Variants in TCF4 observed in about 807,000 individuals in gnomAD.
TCF4 encodes SL3-3 enhancer factor 2.
A neutral mutation model predicts 82.1 loss-of-function variants in TCF4; 3 were observed. The ratio of observed to expected loss-of-function variants is 0.04; its 90% CI spans 0.02 to 0.09. The LOEUF (loss-of-function observed/expected upper bound fraction) is 0.09, where lower values mean the gene tolerates loss of function less well. TCF4 is among the 10% of genes least tolerant of loss of function. The probability of loss-of-function intolerance (pLI) is 1.00; values close to 1 mark genes in which losing one functional copy is unlikely to be tolerated. For missense variants in TCF4, 518 were observed against 852.7 expected (o/e 0.61, Z 4.89); for synonymous variants, 276 against 309.6 (o/e 0.89, Z 1.14).
intron 9 of TCF4, among the ~76,000 whole-genome samples, chr18:55,278,704 G>A (rs183402665): frequency 2.0e-5 from 3 of 152,278 alleles, no homozygotes; most frequent in East Asian, 3.9e-4. Flanking sequence ...GAGTAGCTGG[G>A]ACTACAGGTG....
chr18:55,559,639 TA>T (rs34935191), intron 3 of TCF4, among the ~76,000 whole-genome samples: 6 of 148,754 alleles, frequency 4.0e-5, no homozygotes, highest in South Asian at 2.1e-4. Context: ...GTTTTTTCTT[TA>T]AAAAAAAAAA....
chr18:55,567,433 T>A (rs1338097394), intron 3 of TCF4, among the ~76,000 whole-genome samples: 2 of 152,282 alleles, frequency 1.3e-5, no homozygotes, highest in African/African-American at 4.8e-5. Flanking sequence ...TCAGGCAGAT[T>A]TCGAATATTA....
At chr18:55,264,962 A>G (rs1386453412) in intron 11 of TCF4, 1 of 152,152 alleles carries the variant, frequency 6.6e-6, no homozygotes, top group Non-Finnish European at 1.5e-5. Flanking sequence ...GATGGCTTGA[A>G]CACAGGTGGT....
intron 3 of TCF4, among the ~76,000 whole-genome samples, chr18:55,515,585 TAGA>T (rs1208462917): frequency 1.3e-5 from 2 of 152,138 alleles, no homozygotes; most frequent in East Asian, 3.8e-4. Flanking sequence ...GTAGGAGGTA[TAGA>T]AGAAGGCTGT....
At chr18:55,423,236 C>T (rs2094841326) in intron 5 of TCF4, among the ~76,000 whole-genome samples, 1 of 151,982 alleles carries the variant, frequency 6.6e-6, no homozygotes, top group African/African-American at 2.4e-5. Context: ...ATGATGTCAG[C>T]GGTTTTAATT....
intron 8 of TCF4, chr18:55,302,704 A>G (rs888171577): frequency 8.0e-7 from 1 of 1,247,332 alleles, no homozygotes; most frequent in Non-Finnish European, 1.1e-6. Flanking sequence ...GGAGGAGGGC[A>G]TGAAGAAGGG....
At chr18:55,373,533 C>T (rs2145645829) in intron 6 of TCF4, among the ~76,000 whole-genome samples, 1 of 152,126 alleles carries the variant, frequency 6.6e-6, no homozygotes, top group East Asian at 1.9e-4. Flanking sequence ...GGAAAATAGG[C>T]CGGGTGCAGT....
At chr18:55,591,697 A>G (rs941709116), upstream of TCF4, among the ~76,000 whole-genome samples, 3 of 152,112 alleles carry the variant, frequency 2.0e-5, no homozygotes, top group African/African-American at 7.2e-5. Flanking sequence ...TTGTATTTTT[A>G]GTAGAGATGG....
At chr18:55,416,870 C>T (rs1185782804) in intron 5 of TCF4, among the ~76,000 whole-genome samples, 2 of 152,180 alleles carry the variant, frequency 1.3e-5, no homozygotes, top group Non-Finnish European at 2.9e-5. Context: ...ATATAGGTCA[C>T]TCTCTTAAGG....
chr18:55,441,197 C>T (rs1452230115), intron 5 of TCF4, among the ~76,000 whole-genome samples: 1 of 152,170 alleles, frequency 6.6e-6, no homozygotes, highest in African/African-American at 2.4e-5. Flanking sequence ...ATCAAGCTTC[C>T]TTGCTCTTTC....
At chr18:55,394,851 A>C (rs923731693) in intron 6 of TCF4, among the ~76,000 whole-genome samples, 1 of 152,230 alleles carries the variant, frequency 6.6e-6, no homozygotes, top group Admixed American at 6.5e-5. Flanking sequence ...ATATCCACAG[A>C]GCGCACACAA....
Position 55,601,244 on chromosome 18 carries a change from A to G in TCF4, c.287-14108T>C, listed in dbSNP as rs760730232. Among the ~76,000 whole-genome samples, 6 of 152,172 alleles carry G rather than the reference A, an allele frequency of 3.9e-5. No individual in the cohort carries two copies. In the East Asian group the frequency reaches 9.6e-4, roughly 24 times the overall value. Reference sequence around the variant, plus strand: ...ATTTGAGGGACAATTGAGTAGATAAATCATATAATCTACAGTGGAGTATTG... The same window carrying G: ...ATTTGAGGGACAATTGAGTAGATAAGTCATATAATCTACAGTGGAGTATTG... On this transcript the variant is annotated intron_variant, in intron 2 of 20. Coordinates refer to the TCF4 transcript ENST00000398339.
At chr18:55,410,868 C>T (rs916123210) in intron 5 of TCF4, among the ~76,000 whole-genome samples, 3 of 152,268 alleles carry the variant, frequency 2.0e-5, no homozygotes, top group South Asian at 2.1e-4. Context: ...GAACATCCTA[C>T]AGTCCATCAA....
In TCF4 at chr18:55,281,690, C is replaced by A. The variant is rs532433660; in HGVS notation, c.550-2034G>T. Among the ~76,000 whole-genome samples, 20 of 151,480 alleles carry A rather than the reference C, an allele frequency of 1.3e-4. 1 individual carries two copies. In the South Asian group the frequency reaches 4.0e-3, roughly 30 times the overall value. ...ATTATGTCAACACCATTTGATGACA[C>A]CTAATAAGGTTTATCCTTTTTCTTT... On this transcript the variant is annotated intron_variant, in intron 8 of 19. Transcript: ENST00000354452.
At chr18:55,328,661 A>G (rs150310755) in intron 8 of TCF4, among the ~76,000 whole-genome samples, 28 of 152,310 alleles carry the variant, frequency 1.8e-4, no homozygotes, top group African/African-American at 6.0e-4. Context: ...CCAAAAAGTT[A>G]GAGGGGAAAT....
intron 5 of TCF4, among the ~76,000 whole-genome samples, chr18:55,428,012 T>C (rs1292336193): frequency 1.3e-5 from 2 of 152,028 alleles, no homozygotes; most frequent in Non-Finnish European, 2.9e-5. Context: ...ACATTAGAAG[T>C]ACATAAAAGA....
intron 3 of TCF4, among the ~76,000 whole-genome samples, chr18:55,577,492 T>C (rs1016014612): frequency 1.3e-5 from 2 of 152,040 alleles, no homozygotes; most frequent in Non-Finnish European, 2.9e-5. Context: ...TAAGTGAATA[T>C]AAAAGCAATT....
intron 3 of TCF4, among the ~76,000 whole-genome samples, chr18:55,489,894 G>C (rs907438972): frequency 5.3e-5 from 8 of 152,170 alleles, no homozygotes; most frequent in Non-Finnish European, 1.0e-4. Flanking sequence ...GTGATGAAAA[G>C]CAGTCGTCAT....
intron 8 of TCF4, among the ~76,000 whole-genome samples, chr18:55,327,734 A>G (rs1309097187): frequency 6.6e-6 from 1 of 152,090 alleles, no homozygotes; most frequent in African/African-American, 2.4e-5. Flanking sequence ...TTTGACTTCT[A>G]CCTTTCTGTG....
Sources: gnomAD v4.1 joint callset for allele counts (sites outside exome capture counted in the v4.1 genomes callset) on GRCh38, gnomAD v4.1.1 for gene constraint, MANE v1.5 for transcripts, NCBI Gene and HGNC (gene_info 2026-07-23, HGNC 2026-07-21) for gene names.